MACROD2: variants seen among roughly 807,000 people sequenced by gnomAD.
The protein encoded by MACROD2 is mono-ADP ribosylhydrolase 2.
A neutral mutation model predicts 70.4 loss-of-function variants in MACROD2; 36 were observed. The observed-to-expected ratio is 0.51, with a 90% CI of 0.39 to 0.68. MACROD2 has a LOEUF of 0.68. MACROD2 is among the 30% of genes least tolerant of loss of function. MACROD2 has a pLI of 0.00. For missense variants in MACROD2, 496 were observed against 538.4 expected (o/e 0.92, Z 0.78); for synonymous variants, 172 against 178.8 (o/e 0.96, Z 0.30).
chr20:15,259,766 CTTCTT>C (rs2077232098), intron 6 of MACROD2, among the ~76,000 whole-genome samples: 1 of 151,724 alleles, frequency 6.6e-6, no homozygotes, highest in Non-Finnish European at 1.5e-5. Context: ...TTTTTTCCCT[CTTCTT>C]TTCTATTTCA....
In MACROD2 at chr20:14,817,252, T is replaced by C. The variant is rs139439592; in HGVS notation, c.418+132293T>C. ...AAACTGCACTCTTTTTTGACTGATA[T>C]AGCATTTGAAATCGTGCTTGAAGAA... On this transcript the variant is annotated intron_variant, in intron 5 of 17. Coordinates refer to ENST00000684519, the MANE Select transcript of MACROD2 (RefSeq NM_001351661.2). Among the ~76,000 whole-genome samples the C allele has an allele frequency of 2.6e-3, 399 of 152,290 alleles. 2 individuals carry two copies. Among genetic ancestry groups the C allele is most frequent in the African/African-American group, 9.0e-3 (375 of 41,578 alleles).
intron 5 of MACROD2, among the ~76,000 whole-genome samples, chr20:14,900,882 A>G (rs542320547): frequency 6.6e-6 from 1 of 151,388 alleles, no homozygotes; most frequent in East Asian, 1.9e-4. Flanking sequence ...TTTCTTTCAG[A>G]TTTTCTTTGT....
intron 3 of MACROD2, among the ~76,000 whole-genome samples, chr20:14,483,151 A>G (rs1361279462): frequency 6.6e-6 from 1 of 152,192 alleles, no homozygotes; most frequent in Admixed American, 6.5e-5. Flanking sequence ...TAGCCATTGC[A>G]TTCCATTTCT....
chr20:14,522,332 A>G (rs2085178251), intron 4 of MACROD2, among the ~76,000 whole-genome samples: 1 of 152,180 alleles, frequency 6.6e-6, no homozygotes, highest in African/African-American at 2.4e-5. Flanking sequence ...CCCCTCAAAC[A>G]CTAACAAAGT....
chr20:15,905,668 A>T (rs978631707), intron 10 of MACROD2, among the ~76,000 whole-genome samples: 1 of 152,206 alleles, frequency 6.6e-6, no homozygotes, highest in Non-Finnish European at 1.5e-5. Flanking sequence ...AGGTATTGCT[A>T]TTTGAACAGT....
intron 5 of MACROD2, among the ~76,000 whole-genome samples, chr20:15,059,056 A>T (rs1003054854): frequency 2.0e-5 from 3 of 152,218 alleles, no homozygotes; most frequent in Non-Finnish European, 4.4e-5. Context: ...CAATGTTGCT[A>T]ATTCATCACT....
At position 15,695,506 on chromosome 20, in the gene MACROD2, G is replaced by A. The variant is rs181056524; in HGVS notation, c.646-167239G>A. On this transcript the variant is annotated intron_variant, in intron 8 of 17. Coordinates refer to ENST00000684519, the MANE Select transcript of MACROD2 (RefSeq NM_001351661.2). ...TCACTGCAACTCCTCCATCTCCTGGGTTCAAGCAATTCTCTTGCCTCAGCC... is the reference window on the plus strand; with the variant it reads ...TCACTGCAACTCCTCCATCTCCTGGATTCAAGCAATTCTCTTGCCTCAGCC... Among the ~76,000 whole-genome samples the A allele has an allele frequency of 3.2e-3, 480 of 151,796 alleles. 1 individual carries two copies. The highest frequency in any genetic ancestry group is 0.011 in the African/African-American group (457 of 41,380).
intron 3 of MACROD2, among the ~76,000 whole-genome samples, chr20:14,162,838 AT>A (rs1421066541): frequency 2.0e-5 from 3 of 152,080 alleles, no homozygotes; most frequent in African/African-American, 7.2e-5. Flanking sequence ...ACCTGTCTAT[AT>A]TTTTTAAGTG....
chr20:16,010,531 AT>A (rs1239743018), intron 15 of MACROD2, among the ~76,000 whole-genome samples: 4 of 152,216 alleles, frequency 2.6e-5, no homozygotes, highest in Admixed American at 1.3e-4. Flanking sequence ...AGGAAAAAAA[AT>A]AACACTATGA....
intron 5 of MACROD2, among the ~76,000 whole-genome samples, chr20:15,127,830 T>C (rs1263436028): frequency 6.6e-6 from 1 of 152,106 alleles, no homozygotes; most frequent in African/African-American, 2.4e-5. Flanking sequence ...GGGAGGAAAC[T>C]ACATAGAGGT....
intron 3 of MACROD2, among the ~76,000 whole-genome samples, chr20:14,114,049 T>C (rs2054486091): frequency 6.6e-6 from 1 of 152,162 alleles, no homozygotes; most frequent in Admixed American, 6.6e-5. Flanking sequence ...TTTTAAGCAT[T>C]TCATAGCAAC....
chr20:14,416,826 G>A (rs1026983026), intron 3 of MACROD2, among the ~76,000 whole-genome samples: 1 of 152,172 alleles, frequency 6.6e-6, no homozygotes, highest in Non-Finnish European at 1.5e-5. Context: ...CTTGCATTTA[G>A]TTTTTCAGTT....
At chr20:15,210,411 C>T (rs575640059) in intron 5 of MACROD2, among the ~76,000 whole-genome samples, 2 of 152,206 alleles carry the variant, frequency 1.3e-5, no homozygotes, top group South Asian at 2.1e-4. Context: ...TATTGCCTTC[C>T]GTGTTTTGCA....
intron 5 of MACROD2, among the ~76,000 whole-genome samples, chr20:15,197,324 GTA>G (rs200913834): frequency 1.9e-4 from 29 of 151,184 alleles, no homozygotes; most frequent in African/African-American, 5.6e-4. Context: ...AATTAAAATA[GTA>G]TATATATATA....
chr20:14,555,250 A>G (rs1458536680), intron 4 of MACROD2, among the ~76,000 whole-genome samples: 1 of 152,102 alleles, frequency 6.6e-6, no homozygotes, highest in Non-Finnish European at 1.5e-5. Flanking sequence ...TACACTATGT[A>G]CCCCCAAAAA....
At chr20:14,738,334 T>TA (rs2071692593) in intron 5 of MACROD2, among the ~76,000 whole-genome samples, 1 of 152,106 alleles carries the variant, frequency 6.6e-6, no homozygotes, top group Non-Finnish European at 1.5e-5. Context: ...TTTGGTGATA[T>TA]AAAAAAGCTG....
At chr20:15,093,994 A>T (rs1432371207) in intron 5 of MACROD2, among the ~76,000 whole-genome samples, 2 of 152,230 alleles carry the variant, frequency 1.3e-5, no homozygotes, top group Admixed American at 6.5e-5. Context: ...AGGATTGTCC[A>T]TTGAAGGGTT....
chr20:15,975,941 G>C (rs2066299641), intron 13 of MACROD2, among the ~76,000 whole-genome samples: 1 of 152,000 alleles, frequency 6.6e-6, no homozygotes, highest in South Asian at 2.1e-4. Context: ...TCTTAATCTG[G>C]GATATTTTTA....
At chr20:14,252,214 TG>T (rs2082019106) in intron 3 of MACROD2, among the ~76,000 whole-genome samples, 1 of 152,124 alleles carries the variant, frequency 6.6e-6, no homozygotes, top group African/African-American at 2.4e-5. Context: ...CACAAATCTA[TG>T]CTAAGTTTAT....
Sources: gnomAD v4.1 joint callset for allele counts (sites outside exome capture counted in the v4.1 genomes callset) on GRCh38, gnomAD v4.1.1 for gene constraint, MANE v1.5 for transcripts, NCBI Gene and HGNC (gene_info 2026-07-23, HGNC 2026-07-21) for gene names.